ZBED1: variants seen among roughly 807,000 people sequenced by gnomAD.
The protein encoded by ZBED1 is E3 SUMO-protein ligase ZBED1.
A neutral mutation model predicts 49.7 loss-of-function variants in ZBED1; 19 were observed. The ratio of observed to expected loss-of-function variants is 0.38; its 90% CI spans 0.27 to 0.56. The LOEUF (loss-of-function observed/expected upper bound fraction) is 0.56. Ranked by LOEUF, ZBED1 falls within the 20% of genes least tolerant of loss-of-function variation. The pLI is 0.70. For missense variants in ZBED1, 806 were observed against 972.6 expected, an observed-to-expected ratio of 0.83 and a Z score of 2.28; for synonymous variants, 439 against 440.3, an observed-to-expected ratio of 1.00 and a Z score of 0.04.
At chrX:2,494,188 G>A (rs1416562412) in intron 1 of ZBED1, among the ~76,000 whole-genome samples, 2 of 151,718 alleles carry the variant, frequency 1.3e-5, no homozygotes, top group Non-Finnish European at 2.9e-5. Flanking sequence ...TGGGGCCAAG[G>A]TTTATATTCT....
intron 1 of ZBED1, among the ~76,000 whole-genome samples, chrX:2,497,843 C>A (rs1197929561): frequency 6.6e-6 from 1 of 152,210 alleles, no homozygotes; most frequent in East Asian, 1.9e-4. Flanking sequence ...TGATCATTTT[C>A]AACAGATTTC....
At chrX:2,495,697 C>A (rs1162071262) in intron 1 of ZBED1, among the ~76,000 whole-genome samples, 2 of 152,060 alleles carry the variant, frequency 1.3e-5, no homozygotes, top group Non-Finnish European at 2.9e-5. Flanking sequence ...GCACACAAGG[C>A]CACGAATAAA....
rs1357342264 is a variant in ZBED1, at chrX:2,489,018, C to T, written c.1702G>A (p.Val568Met). ...TTGAAGTTGCTCAGCTCCTCCACCA[C>T]CTGGGCATGCCACTCTTCCTGGTCC... ...VEDQEEWHAQ[V>M]VEELSNFKSQ... The change falls in exon 2 of 2, where the codon GTG (valine) becomes ATG (methionine). Residue 568 changes from valine (V) to methionine (M), a missense_variant. Val to Met is a conservative substitution (Grantham distance 21). This residue lies in a region of ZBED1 where 749 missense variants were observed against 861.3 expected (regional missense o/e 0.87). Coordinates refer to ENST00000652001, the MANE Select transcript of ZBED1 (RefSeq NM_001171136.2). 2 of 1,612,170 alleles carry T rather than the reference C, an allele frequency of 1.2e-6. No homozygotes were observed. Among genetic ancestry groups the T allele is most frequent in the Non-Finnish European group, 1.7e-6 (2 of 1,178,860 alleles).
chrX:2,499,242 C>T (rs2045353180), intron 1 of ZBED1, among the ~76,000 whole-genome samples: 1 of 152,122 alleles, frequency 6.6e-6, no homozygotes, highest in South Asian at 2.1e-4. Context: ...TTCCAGAGGC[C>T]TCCTGACATG....
chrX:2,490,838 G>A, intron 1 of ZBED1, 66 bp from the exon 2 acceptor site: 5 of 1,405,972 alleles, frequency 3.6e-6, no homozygotes, highest in Non-Finnish European at 4.8e-6. Flanking sequence ...CCCTGCCGGG[G>A]AGACAGACAG....
chrX:2,499,955 A>G (rs2045375052), intron 1 of ZBED1, among the ~76,000 whole-genome samples: 1 of 152,202 alleles, frequency 6.6e-6, no homozygotes, highest in Non-Finnish European at 1.5e-5. Context: ...AGGCAGGAGG[A>G]CTGCTTGAGC....
Position 2,486,638 on chromosome X carries a change from G to A in ZBED1, c.*1997C>T, listed in dbSNP as rs2044940073. 6.6e-6 allele frequency: 1 copy of A among 152,232 alleles called. No individual in the cohort carries two copies. Among genetic ancestry groups the A allele is most frequent in the Non-Finnish European group, 1.5e-5 (1 of 68,058 alleles). The allele number at this position is 152,232 out of a possible 1,614,324, so 9.4% of individuals were successfully genotyped here. ...ATGCTACAGAATGGAGCCCACGGAG[G>A]CGTGGGCTGCCCTGCGTCCCCGGCC... On this transcript the variant is annotated 3_prime_UTR_variant, in exon 2 of 2. Coordinates refer to ENST00000652001, the MANE Select transcript of ZBED1 (RefSeq NM_001171136.2).
chrX:2,489,997 C>G lies in ZBED1; in HGVS notation c.723G>C (p.Glu241Asp), dbSNP rs1398815373. The change falls in exon 2 of 2, where the codon GAG becomes GAC. Residue 241 changes from glutamate (E) to aspartate (D), a missense_variant. Glu to Asp is a conservative substitution (Grantham distance 45). Coordinates refer to ENST00000652001, the MANE Select transcript of ZBED1 (RefSeq NM_001171136.2). ...RCLKTFEVPE[E>D]NTAETITRVL... ...CTCGCGTGATGGTCTCCGCCGTGTT[C>G]TCTTCGGGCACCTCGAAGGTCTTCA... The G allele has an allele frequency of 1.2e-6, 2 of 1,613,792 alleles. No homozygotes were observed. The highest frequency in any genetic ancestry group is 2.2e-5 in the South Asian group (2 of 91,084).
intron 1 of ZBED1, among the ~76,000 whole-genome samples, chrX:2,499,519 C>T (rs928033682): frequency 7.2e-5 from 11 of 152,110 alleles, no homozygotes; most frequent in Non-Finnish European, 1.6e-4. Context: ...GTCTGTAATC[C>T]CAGCAGTTTG....
At chrX:2,499,015 TCA>T (rs1188032757) in intron 1 of ZBED1, among the ~76,000 whole-genome samples, 1 of 152,188 alleles carries the variant, frequency 6.6e-6, no homozygotes, top group African/African-American at 2.4e-5. Flanking sequence ...AAAGCTTAGC[TCA>T]CAGAAAACTC....
chrX:2,491,092 C>CA (rs2045130895), intron 1 of ZBED1, among the ~76,000 whole-genome samples: 1 of 111,436 alleles, frequency 9.0e-6, no homozygotes, highest in South Asian at 3.0e-4. Flanking sequence ...TTTTTTGAGA[C>CA]AGAGTTTCGC....
In ZBED1 at chrX:2,489,022, G is replaced by C. The variant is rs774383291; in HGVS notation, c.1698C>G (p.Ala566=). 1.6e-5 allele frequency: 26 copies of C among 1,612,846 alleles called. No homozygotes were observed. The South Asian group carries it at 2.9e-4, about 18-fold the overall frequency. Residue 566 remains alanine, a synonymous_variant, in exon 2 of 2, where the codon GCC becomes GCG. Coordinates refer to ENST00000652001, the MANE Select transcript of ZBED1 (RefSeq NM_001171136.2). ...GGVEDQEEWH[A]QVVEELSNFK... ...AGTTGCTCAGCTCCTCCACCACCTG[G>C]GCATGCCACTCTTCCTGGTCCTCCA...
chrX:2,498,874 TCAAA>T lies in ZBED1; in HGVS notation c.-54+1939_-54+1942del, dbSNP rs936641408. ...TTCACCTTGCAACTGATTACTTACT[TCAAA>T]CAAACATGCTCTCCTGCCCTCCGAA... On this transcript the variant is annotated intron_variant, in intron 1 of 1. Transcript: ENST00000652001. 4.6e-5 allele frequency among the ~76,000 whole-genome samples: 7 copies of T among 152,212 alleles called. No homozygotes were observed. The South Asian group carries it at 1.5e-3, about 32-fold the overall frequency.
At position 2,490,142 on chromosome X, in the gene ZBED1, C is replaced by G. The variant is rs766125925; in HGVS notation, c.578G>C (p.Trp193Ser). Residue 193 changes from tryptophan to serine, a missense_variant, in exon 2 of 2, where the codon TGG (tryptophan) becomes TCG (serine). By Grantham distance (177) the Trp-to-Ser change is radical. Around this residue, in one of 2 missense-constraint regions of ZBED1, gnomAD observed 749 missense variants for 861.3 expected, o/e 0.87. Transcript: ENST00000652001. ...CCACATGTCGGTGGAGATGCCACAC[C>G]AGGTGGCCTCGGCCAGCTCCTTCAG... The part of the protein sequence containing the change: ...VILKELAEAT[W>S]CGISTDMWRS... 1.2e-6 allele frequency: 2 copies of G among 1,613,964 alleles called. No individual in the cohort carries two copies. The highest frequency in any genetic ancestry group is 1.7e-6 in the Non-Finnish European group (2 of 1,179,880).
chrX:2,500,654 G>GCCCC (rs546772121), intron 1 of ZBED1, 163 bp downstream of exon 1: 3 of 126,688 alleles, frequency 2.4e-5, no homozygotes, highest in East Asian at 2.5e-4. Context: ...CGCGCACGCC[G>GCCCC]CCCCCCCCCC....
chrX:2,495,701 G>A (rs1387983622), intron 1 of ZBED1, among the ~76,000 whole-genome samples: 5 of 151,244 alleles, frequency 3.3e-5, no homozygotes, highest in Non-Finnish European at 7.4e-5. Flanking sequence ...ACAAGGCCAC[G>A]AATAAAGGTT....
rs748055056 is a variant in ZBED1, at chrX:2,490,438, G to A, written c.282C>T (p.Phe94=). Reference sequence around the variant, plus strand: ...GGGACGACTCGGGCTTCAGCTTGGAGAAGGCGGTGGCGAAGGCTTCACGCA... The same window carrying A: ...GGGACGACTCGGGCTTCAGCTTGGAAAAGGCGGTGGCGAAGGCTTCACGCA... ...EQMREAFATA[F]SKLKPESSQQ... The change falls in exon 2 of 2, where the codon TTC becomes TTT. Residue 94 remains phenylalanine (F), a synonymous_variant. Coordinates refer to ENST00000652001, the MANE Select transcript of ZBED1 (RefSeq NM_001171136.2). 9.3e-6 allele frequency: 15 copies of A among 1,614,000 alleles called. No homozygotes were observed. In the South Asian group the frequency reaches 1.6e-4, roughly 18 times the overall value.
chrX:2,486,845 C>T lies in ZBED1; in HGVS notation c.*1790G>A, dbSNP rs1432427749. 6.6e-6 allele frequency: 1 copy of T among 152,246 alleles called. No individual in the cohort carries two copies. The highest frequency in any genetic ancestry group is 6.5e-5 in the Admixed American group (1 of 15,294). 9.4% of individuals were successfully genotyped at this position (152,246 alleles called of 1,614,324 possible). ...CCTTTTCCACAGACTTAAACCGGCT[C>T]AGGACGTAAGGATAACATTCTGTGC... On this transcript the variant is annotated 3_prime_UTR_variant, in exon 2 of 2. Coordinates refer to ENST00000652001, the MANE Select transcript of ZBED1 (RefSeq NM_001171136.2).
Position 2,490,703 on chromosome X carries a change from AG to A in ZBED1, c.16del (p.Leu6TrpfsTer8). 6.2e-7 allele frequency: 1 copy of A among 1,613,536 alleles called. No individual in the cohort carries two copies. The highest frequency in any genetic ancestry group is 8.5e-7 in the Non-Finnish European group (1 of 1,179,642). Reference protein sequence around the residue: MENKSLESSQTDLKLV... With the variant: MENKSXESSQTDLKLV... ...CTTCAGGTCTGTCTGGGAGCTCTCC[AG>A]GCTTTTATTCTCCATTGCTTCTCCA... On this transcript the variant is annotated frameshift_variant, in exon 2 of 2. Coordinates refer to ENST00000652001, the MANE Select transcript of ZBED1 (RefSeq NM_001171136.2). LOFTEE classifies it high-confidence loss of function.
Sources: gnomAD v4.1 joint callset for allele counts (sites outside exome capture counted in the v4.1 genomes callset) on GRCh38, gnomAD v4.1.1 for gene constraint, gnomAD v4.1.1 regional missense constraint, MANE v1.5 for transcripts, NCBI Gene and HGNC (gene_info 2026-07-23, HGNC 2026-07-21) for gene names.